PLEKHA5: variants seen among roughly 807,000 people sequenced by gnomAD.
PLEKHA5 encodes the protein pleckstrin homology domain-containing family A member 5.
Under a neutral mutation model 181.9 loss-of-function variants are expected in PLEKHA5, and 55 were observed. The ratio of observed to expected loss-of-function variants is 0.30; its 90% CI spans 0.24 to 0.38. The LOEUF (loss-of-function observed/expected upper bound fraction) is 0.38. PLEKHA5 is among the 10% of genes least tolerant of loss of function. PLEKHA5 has a pLI of 1.00. For missense variants in PLEKHA5, 1,432 were observed against 1,549.5 expected (o/e 0.92, Z 1.27); for synonymous variants, 535 against 529.4 (o/e 1.01, Z -0.15).
chr12:19,269,659 T>C, intron 8 of PLEKHA5, 111 bp from the exon 9 acceptor site: 1 of 562,502 alleles, frequency 1.8e-6, no homozygotes, highest in Non-Finnish European at 3.2e-6. Flanking sequence ...AAGTCTACTT[T>C]CTCTGAAATT....
intron 3 of PLEKHA5, among the ~76,000 whole-genome samples, chr12:19,141,175 C>CG (rs2037166537): frequency 6.6e-6 from 1 of 152,172 alleles, no homozygotes; most frequent in African/African-American, 2.4e-5. Flanking sequence ...ACCCCTCCCC[C>CG]CCAACAGAAA....
At chr12:19,305,861 C>CAA (rs376068601) in intron 15 of PLEKHA5, among the ~76,000 whole-genome samples, 1,145 of 37,786 alleles carry the variant, frequency 0.03, 146 homozygotes, top group East Asian at 0.055. Flanking sequence ...AACTCCATCT[C>CAA]AAAAAAAAAA....
At chr12:19,356,112 T>A (rs2094912282) in intron 26 of PLEKHA5, among the ~76,000 whole-genome samples, 1 of 150,366 alleles carries the variant, frequency 6.7e-6, no homozygotes, top group Non-Finnish European at 1.5e-5. Flanking sequence ...TCGCAGTGAG[T>A]CGAGATTGTA....
intron 3 of PLEKHA5, among the ~76,000 whole-genome samples, chr12:19,220,412 T>C (rs868072828): frequency 1.3e-4 from 20 of 152,182 alleles, no homozygotes; most frequent in African/African-American, 4.3e-4. Flanking sequence ...TTGACAGAGG[T>C]ATGAAAATGA....
chr12:19,165,179 G>A (rs1475536886), intron 3 of PLEKHA5, among the ~76,000 whole-genome samples: 2 of 152,170 alleles, frequency 1.3e-5, no homozygotes, highest in Non-Finnish European at 2.9e-5. Flanking sequence ...TCTTGATGGG[G>A]TGGAGATGAC....
chr12:19,193,647 C>T (rs777935215), intron 3 of PLEKHA5, among the ~76,000 whole-genome samples: 9 of 152,158 alleles, frequency 5.9e-5, no homozygotes, highest in Non-Finnish European at 1.0e-4. Flanking sequence ...ATCGTACCTA[C>T]GAAGCAACCT....
intron 3 of PLEKHA5, among the ~76,000 whole-genome samples, chr12:19,236,183 A>G (rs186164489): frequency 1.3e-5 from 2 of 152,284 alleles, no homozygotes; most frequent in African/African-American, 2.4e-5. Context: ...GTTTGAAATG[A>G]TGTTCACCAC....
intron 3 of PLEKHA5, among the ~76,000 whole-genome samples, chr12:19,167,567 T>A (rs2151600060): frequency 6.6e-6 from 1 of 152,148 alleles, no homozygotes; most frequent in East Asian, 1.9e-4. Flanking sequence ...CCACATTTTT[T>A]TATCTCATTT....
At chr12:19,172,138 A>G (rs2046044631) in intron 3 of PLEKHA5, among the ~76,000 whole-genome samples, 1 of 152,212 alleles carries the variant, frequency 6.6e-6, no homozygotes, top group Non-Finnish European at 1.5e-5. Context: ...ACCCAATATT[A>G]TGTACTATAC....
chr12:19,296,163 G>A (rs1227705548), intron 15 of PLEKHA5, among the ~76,000 whole-genome samples: 1 of 151,914 alleles, frequency 6.6e-6, no homozygotes, highest in Non-Finnish European at 1.5e-5. Flanking sequence ...GAATCCGGGA[G>A]GTGGAGGCAG....
intron 5 of PLEKHA5, among the ~76,000 whole-genome samples, chr12:19,256,558 T>TAA (rs2066923346): frequency 2.6e-5 from 4 of 152,184 alleles, no homozygotes; most frequent in African/African-American, 9.6e-5. Flanking sequence ...GCATTACCTG[T>TAA]TTGAAAGTAA....
intron 3 of PLEKHA5, 42 bp from the exon 4 acceptor site, chr12:19,253,898 T>A (rs1366506262): frequency 9.2e-7 from 1 of 1,089,128 alleles, no homozygotes; most frequent in Non-Finnish European, 1.4e-6. Flanking sequence ...ATGGGAATTT[T>A]AAATACCTGC....
At chr12:19,242,575 A>C (rs2062858090) in intron 3 of PLEKHA5, among the ~76,000 whole-genome samples, 1 of 152,150 alleles carries the variant, frequency 6.6e-6, no homozygotes, top group South Asian at 2.1e-4. Flanking sequence ...TGCTGGTTTT[A>C]TTTAAGAGAG....
At chr12:19,172,103 AAGCC>A (rs2151681644) in intron 3 of PLEKHA5, among the ~76,000 whole-genome samples, 1 of 152,334 alleles carries the variant, frequency 6.6e-6, no homozygotes, top group South Asian at 2.1e-4. Flanking sequence ...GTAAATACAT[AAGCC>A]ATTAACAGTC....
chr12:19,137,666 T>TTTG (rs1246218192), intron 3 of PLEKHA5, among the ~76,000 whole-genome samples: 1 of 152,156 alleles, frequency 6.6e-6, no homozygotes, highest in Non-Finnish European at 1.5e-5. Flanking sequence ...CAATAGCCTT[T>TTTG]TTGTTGTTGT....
chr12:19,351,034 T>G (rs1043347840), intron 25 of PLEKHA5, among the ~76,000 whole-genome samples: 2 of 147,316 alleles, frequency 1.4e-5, no homozygotes, highest in Non-Finnish European at 3.0e-5. Context: ...CATGGCTCAC[T>G]GTAGCCTCCT....
chr12:19,275,091 T>C, intron 11 of PLEKHA5, 108 bp downstream of exon 11: 2 of 669,614 alleles, frequency 3.0e-6, no homozygotes, highest in South Asian at 1.9e-5. Context: ...GTGTTTTAGC[T>C]GTTATAGCTT....
In PLEKHA5 at chr12:19,231,610, A is replaced by ATG. The variant is rs1253475563; in HGVS notation, c.228-22329_228-22328insGT. Among the ~76,000 whole-genome samples, 2 of 148,176 alleles carry ATG rather than the reference A, an allele frequency of 1.3e-5. 1 individual carries two copies. The highest frequency in any genetic ancestry group is 3.0e-5 in the Non-Finnish European group (2 of 67,272). On this transcript the variant is annotated intron_variant, in intron 3 of 31. Coordinates refer to ENST00000429027, the MANE Select transcript of PLEKHA5 (RefSeq NM_001256470.2). ...TTTATATATGTACACATATATATATATAAATACTCATAAAGCTTGAGTTAT... is the reference window on the plus strand; with the variant it reads ...TTTATATATGTACACATATATATATATGTAAATACTCATAAAGCTTGAGTTAT...
chr12:19,280,371 G>A (rs924946459), intron 11 of PLEKHA5, among the ~76,000 whole-genome samples: 2 of 152,052 alleles, frequency 1.3e-5, no homozygotes, highest in African/African-American at 4.8e-5. Flanking sequence ...ATCAGTATTT[G>A]TGCATTGTTA....
Sources: allele counts gnomAD v4.1 joint callset (sites outside exome capture counted in the v4.1 genomes callset), GRCh38; gene constraint gnomAD v4.1.1; transcripts MANE v1.5; gene names NCBI Gene and HGNC (gene_info 2026-07-23, HGNC 2026-07-21).